RHOF: variants seen among roughly 807,000 people sequenced by gnomAD.
The protein encoded by RHOF is rho-related GTP-binding protein RhoF.
A neutral mutation model predicts 22.2 loss-of-function variants in RHOF; 21 were observed. The ratio of observed to expected loss-of-function variants is 0.95; its 90% confidence interval spans 0.67 to 1.36. The LOEUF is 1.36. Ranked by LOEUF, RHOF falls within the 40% of genes most tolerant of loss-of-function variation. The pLI is 0.00. For synonymous variants in RHOF, 135 were observed against 131.2 expected, an observed-to-expected ratio of 1.03 and a Z score of -0.20; for missense variants, 285 against 293.7, an observed-to-expected ratio of 0.97 and a Z score of 0.22.
chr12:121,779,851 C>T (rs745497271), intron 4 of RHOF, 189 bp from the exon 5 acceptor site: 11 of 622,858 alleles, frequency 1.8e-5, no homozygotes, highest in Non-Finnish European at 2.8e-5. Context: ...CAGTGCAGCC[C>T]GCAGGTTGGA....
chr12:121,792,962 C>T (rs1874800442), intron 2 of RHOF, among the ~76,000 whole-genome samples, 190 bp downstream of exon 2: 2 of 152,266 alleles, frequency 1.3e-5, no homozygotes, highest in Non-Finnish European at 2.9e-5. Context: ...CTCCAAACAC[C>T]TTCCACTTAC....
chr12:121,793,459 T>G (rs200285606), intron 1 of RHOF, 37 bp downstream of exon 1: 16,114 of 1,533,474 alleles, frequency 0.011, 126 homozygotes, highest in Non-Finnish European at 0.012. Context: ...GTAAGGGGCG[T>G]CCCTCGCCCC....
chr12:121,790,226 T>A (rs922574107), intron 2 of RHOF, among the ~76,000 whole-genome samples: 18 of 152,212 alleles, frequency 1.2e-4, no homozygotes, highest in African/African-American at 4.3e-4. Flanking sequence ...TGGTCCTGGG[T>A]GTGGAGAAAT....
rs1409933131 is a variant in RHOF, at chr12:121,781,126, TAGC to T, written c.290_292del (p.Cys97del). 1 of 1,614,148 alleles carries T rather than the reference TAGC, an allele frequency of 6.2e-7. No individual in the cohort carries two copies. Among genetic ancestry groups the T allele is most frequent in the Non-Finnish European group, 8.5e-7 (1 of 1,179,990 alleles). On this transcript the variant is annotated inframe_deletion, in exon 3 of 5. Transcript: ENST00000267205. ...GTAGCTGGTGGGATTCATGACGTCA[TAGC>T]AGATGAGCACGAGGTGGGTGTTCTG...
At chr12:121,784,449 G>A (rs574570143) in intron 2 of RHOF, among the ~76,000 whole-genome samples, 1 of 151,680 alleles carries the variant, frequency 6.6e-6, no homozygotes, top group South Asian at 2.1e-4. Flanking sequence ...AGAGGCTGAG[G>A]CAGGAGAATT....
Position 121,778,914 on chromosome 12 carries a change from CAA to C in RHOF, c.*582_*583del, listed in dbSNP as rs1874338568. On this transcript the variant is annotated 3_prime_UTR_variant, in exon 5 of 5. Transcript: ENST00000267205. ...CCCTGGGCACATGTGCCCAGCTCTGCAAAGACAGTGGCCAAGTTGAAGACAAG... is the reference window on the plus strand; with the variant it reads ...CCCTGGGCACATGTGCCCAGCTCTGCAGACAGTGGCCAAGTTGAAGACAAG... 6.5e-6 allele frequency: 1 copy of C among 154,302 alleles called. No individual in the cohort carries two copies. Among genetic ancestry groups the C allele is most frequent in the Non-Finnish European group, 1.4e-5 (1 of 69,370 alleles). The allele number at this position is 154,302 out of a possible 1,614,324, so 9.6% of individuals were successfully genotyped here. A position where few individuals can be genotyped will look rare whatever the true frequency, so the allele number is the denominator to read the frequency against.
rs1566530501 is a variant in RHOF at position 121,779,525 on chromosome 12, C to T, written c.609G>A (p.Lys203=). The part of the protein sequence containing the change: ...LSALKKAQRQ[K]KRRLCLLL ...AGAGCAGCAGGCAGAGCCGGCGCTT[C>T]TTCTGCCGTTGCGCCTTCTTCAGAG... Residue 203 remains lysine (K), a synonymous_variant, in exon 5 of 5, where the codon AAG becomes AAA. Coordinates refer to ENST00000267205, the MANE Select transcript of RHOF (RefSeq NM_019034.3). The T allele has an allele frequency of 6.2e-7, 1 of 1,613,264 alleles. No individual in the cohort carries two copies. The highest frequency in any genetic ancestry group is 8.5e-7 in the Non-Finnish European group (1 of 1,180,028).
chr12:121,783,322 C>CG (rs945096293), intron 2 of RHOF, among the ~76,000 whole-genome samples: 1 of 148,452 alleles, frequency 6.7e-6, no homozygotes, highest in African/African-American at 2.5e-5. Flanking sequence ...TATTGCCCCC[C>CG]CCCCCACCTT....
chr12:121,793,557 C>A lies in RHOF; in HGVS notation c.77G>T (p.Gly26Val), dbSNP rs866721189. The A allele has an allele frequency of 6.5e-7, 1 of 1,550,196 alleles. No homozygotes were observed. The highest frequency in any genetic ancestry group is 2.4e-5 in the East Asian group (1 of 41,638). The change falls in exon 1 of 5, where the codon GGC becomes GTC. Residue 26 changes from glycine to valine, a missense_variant. Gly to Val is a moderately radical substitution (Grantham distance 109). Coordinates refer to ENST00000267205, the MANE Select transcript of RHOF (RefSeq NM_019034.3). ...CGAGGTCTTGCCGCAGCCGCCGTCG[C>A]CCACGATCACGATCTTCAGCTCCTT... ...GRKELKIVIV[G>V]DGGCGKTSLL... is the part of the protein sequence containing the mutation.
In RHOF at chr12:121,793,562, G is replaced by T; in HGVS notation, c.72C>A (p.Ile24=). The T allele has an allele frequency of 6.4e-7, 1 of 1,551,898 alleles. No individual in the cohort carries two copies. Among genetic ancestry groups the T allele is most frequent in the African/African-American group, 1.4e-5 (1 of 73,666 alleles). Residue 24 remains isoleucine (I), a synonymous_variant, in exon 1 of 5, where the codon ATC becomes ATA. Coordinates refer to ENST00000267205, the MANE Select transcript of RHOF (RefSeq NM_019034.3). ...TCTTGCCGCAGCCGCCGTCGCCCAC[G>T]ATCACGATCTTCAGCTCCTTCCTGC... ...GPGRKELKIV[I]VGDGGCGKTS...
Position 121,779,120 on chromosome 12 carries a change from TG to T in RHOF, c.*377del. On this transcript the variant is annotated 3_prime_UTR_variant, in exon 5 of 5. Coordinates refer to ENST00000267205, the MANE Select transcript of RHOF (RefSeq NM_019034.3). The stretch of plus-strand genomic sequence containing the variant: ...GGCAGGGACACAGGAGTGGCAGGCT[TG>T]GGGCGCCCGCGTGGAACAGTGCCAG... The T allele has an allele frequency of 4.9e-6, 1 of 203,580 alleles. No homozygotes were observed. Among genetic ancestry groups the T allele is most frequent in the Non-Finnish European group, 1.0e-5 (1 of 97,406 alleles). 12.6% of individuals were successfully genotyped at this position (203,580 alleles called of 1,614,324 possible).
chr12:121,783,352 C>T (rs540339990), intron 2 of RHOF, among the ~76,000 whole-genome samples: 2 of 140,624 alleles, frequency 1.4e-5, no homozygotes, highest in African/African-American at 2.6e-5. Flanking sequence ...ACAAGAGTCT[C>T]GCTCTGTCAC....
intron 2 of RHOF, among the ~76,000 whole-genome samples, chr12:121,790,313 G>A (rs1874731443): frequency 6.6e-6 from 1 of 152,272 alleles, no homozygotes; most frequent in Non-Finnish European, 1.5e-5. Flanking sequence ...GCCACTGTGT[G>A]TGGCCCATTG....
At chr12:121,792,794 A>G (rs1874796323) in intron 2 of RHOF, among the ~76,000 whole-genome samples, 1 of 152,254 alleles carries the variant, frequency 6.6e-6, no homozygotes, top group African/African-American at 2.4e-5. Flanking sequence ...TCAAATCTGC[A>G]GCTCACAGAG....
At chr12:121,786,284 G>A (rs915704675) in intron 2 of RHOF, among the ~76,000 whole-genome samples, 2 of 151,140 alleles carry the variant, frequency 1.3e-5, no homozygotes, top group African/African-American at 4.9e-5. Context: ...TCAAACTCCT[G>A]ACCTGAGATG....
chr12:121,781,378 G>A (rs142196297), intron 2 of RHOF, 186 bp from the exon 3 acceptor site: 160 of 579,754 alleles, frequency 2.8e-4, no homozygotes, highest in African/African-American at 2.4e-3. Flanking sequence ...GGCTGAGGCC[G>A]GAGGATCGCT....
Position 121,793,486 on chromosome 12 carries a change from CG to C in RHOF, c.138+9del. 1 of 1,540,594 alleles carries C rather than the reference CG, an allele frequency of 6.5e-7. No individual in the cohort carries two copies. On this transcript the variant is annotated intron_variant, in intron 1 of 4. Transcript: ENST00000267205. ...CCTCGCCCCCACCCCAGCCCCGCTG[CG>C]GGCCTCACCTCGGGGAAGGAGCCCT...
Position 121,779,404 on chromosome 12 carries a change from G to A in RHOF, c.*94C>T. 2.2e-6 allele frequency: 3 copies of A among 1,354,888 alleles called. No individual in the cohort carries two copies. The East Asian group carries it at 7.0e-5, about 32-fold the overall frequency. 83.9% of individuals were successfully genotyped at this position (1,354,888 alleles called of 1,614,324 possible). A position where few individuals can be genotyped will look rare whatever the true frequency, so the allele number is the denominator to read the frequency against. On this transcript the variant is annotated 3_prime_UTR_variant, in exon 5 of 5. Coordinates refer to ENST00000267205, the MANE Select transcript of RHOF (RefSeq NM_019034.3). The stretch of plus-strand genomic sequence containing the variant: ...TAGCCGCAGGCCCCAGACACCATGA[G>A]CTGGAGGGTCGGGATGGGGCAGCCT...
At position 121,780,978 on chromosome 12, in the gene RHOF, C is replaced by A; in HGVS notation, c.365G>T (p.Arg122Leu). 5 of 1,613,848 alleles carry A rather than the reference C, an allele frequency of 3.1e-6. No individual in the cohort carries two copies. The highest frequency in any genetic ancestry group is 4.2e-6 in the Non-Finnish European group (5 of 1,179,850). ...GCCGATGAGCACCATGGGGATCCCGCGGCAGAAATGCGTGACCTCAGGGAA... is the reference window on the plus strand; with the variant it reads ...GCCGATGAGCACCATGGGGATCCCGAGGCAGAAATGCGTGACCTCAGGGAA... The part of the protein sequence containing the change: ...KWFPEVTHFC[R>L]GIPMVLIGCK... Residue 122 changes from arginine (R) to leucine (L), a missense_variant, in exon 4 of 5, where the codon CGC (arginine) becomes CTC (leucine). Transcript: ENST00000267205.
Sources: gnomAD v4.1 joint callset for allele counts (sites outside exome capture counted in the v4.1 genomes callset) on GRCh38, gnomAD v4.1.1 for gene constraint, MANE v1.5 for transcripts, NCBI Gene and HGNC (gene_info 2026-07-23, HGNC 2026-07-21) for gene names.